The following MYT1L variants were observed in gnomAD, a reference collection of about 807,000 sequenced individuals.
The protein encoded by MYT1L is myelin transcription factor 1 like.
A neutral mutation model predicts 126.7 loss-of-function variants in MYT1L; 12 were observed. The observed-to-expected ratio is 0.09, with a 90% CI of 0.06 to 0.15. MYT1L has a LOEUF of 0.15. Among genes scored for constraint, MYT1L ranks in the 10% least tolerant of loss-of-function variants. The pLI, the probability that MYT1L is intolerant of heterozygous loss-of-function variation, is 1.00. For synonymous variants in MYT1L, 541 were observed against 604.2 expected, an observed-to-expected ratio of 0.90 and a Z score of 1.53; for missense variants, 979 against 1,585.2, an observed-to-expected ratio of 0.62 and a Z score of 6.49.
chr2:1,939,923 G>A (rs369816012), intron 9 of MYT1L, among the ~76,000 whole-genome samples: 5 of 152,272 alleles, frequency 3.3e-5, no homozygotes, highest in Non-Finnish European at 5.9e-5. Flanking sequence ...AGGCCTCTCA[G>A]GTGATTATGT....
At chr2:2,235,419 C>A (rs60250821) in intron 2 of MYT1L, among the ~76,000 whole-genome samples, 3 of 41,908 alleles carry the variant, frequency 7.2e-5, no homozygotes, top group African/African-American at 4.1e-4. Context: ...ATCTTCCTCA[C>A]AGCTTCCCCT....
chr2:2,092,373 C>A (rs2076993044), intron 3 of MYT1L, among the ~76,000 whole-genome samples: 1 of 152,168 alleles, frequency 6.6e-6, no homozygotes, highest in African/African-American at 2.4e-5. Context: ...AGTTTGCCAT[C>A]TCCAATGGGT....
At chr2:2,329,953 T>G (rs1015670423) in intron 1 of MYT1L, among the ~76,000 whole-genome samples, 4 of 152,056 alleles carry the variant, frequency 2.6e-5, no homozygotes, top group African/African-American at 9.6e-5. Context: ...AGGTGAAAAC[T>G]TATAGGAATG....
chr2:2,104,863 C>T (rs1364432009), intron 3 of MYT1L, among the ~76,000 whole-genome samples: 1 of 152,174 alleles, frequency 6.6e-6, no homozygotes, highest in Non-Finnish European at 1.5e-5. Flanking sequence ...CTCCTGTTCT[C>T]ATCCGAAGTT....
rs1559367327 is a variant in MYT1L at position 2,217,710 on chromosome 2, A to AC, written c.-420-44723_-420-44722insG. Among the ~76,000 whole-genome samples the AC allele has an allele frequency of 9.9e-5, 14 of 140,932 alleles. 1 individual carries two copies. The highest frequency in any genetic ancestry group is 6.3e-4 in the Admixed American group (9 of 14,330). 92.5% of individuals were successfully genotyped at this position (140,932 alleles called of 152,430 possible). ...CAACAACAACAACAACAACAACAAA[A>AC]AAAAAAAAAGAAAGAAGGAAAAAGA... On this transcript the variant is annotated intron_variant, in intron 2 of 24. Transcript: ENST00000647738.
chr2:1,799,756 C>A (rs1052820034), intron 23 of MYT1L, among the ~76,000 whole-genome samples: 76 of 152,312 alleles, frequency 5.0e-4, no homozygotes, highest in African/African-American at 1.8e-3. Flanking sequence ...CCACCCAAAT[C>A]TCACCTCGAA....
intron 3 of MYT1L, among the ~76,000 whole-genome samples, chr2:2,109,821 T>C (rs1339891168): frequency 7.0e-6 from 1 of 142,150 alleles, no homozygotes; most frequent in East Asian, 2.1e-4. Flanking sequence ...AAGAAAAAAC[T>C]AGCCATGTGT....
chr2:2,227,128 C>T (rs530512250), intron 2 of MYT1L, among the ~76,000 whole-genome samples: 13 of 152,234 alleles, frequency 8.5e-5, no homozygotes, highest in South Asian at 4.2e-4. Context: ...TGCGCTGTCC[C>T]GGCCTGCTTT....
At chr2:1,831,862 G>C (rs905646886) in intron 21 of MYT1L, among the ~76,000 whole-genome samples, 1 of 152,104 alleles carries the variant, frequency 6.6e-6, no homozygotes, top group Non-Finnish European at 1.5e-5. Flanking sequence ...CTGGACCCCT[G>C]AGTCCCGGGG....
rs764933563 is a variant in MYT1L at position 1,923,056 on chromosome 2, T to C, written c.713A>G (p.Asp238Gly). The change falls in exon 10 of 25, where the codon GAC becomes GGC. Residue 238 changes from aspartate (D) to glycine (G), a missense_variant. Asp to Gly is a moderately conservative substitution (Grantham distance 94). Transcript: ENST00000647738. ...NTSNSLEDDSDKNENLGRKSE... is the reference protein window; with the variant it reads ...NTSNSLEDDSGKNENLGRKSE... The stretch of plus-strand genomic sequence containing the variant: ...TTTCCGACCCAGGTTTTCGTTTTTG[T>C]CACTATCGTCTTCCAGACTATTGGA... 6.2e-7 allele frequency: 1 copy of C among 1,614,048 alleles called. No individual in the cohort carries two copies. Among genetic ancestry groups the C allele is most frequent in the Non-Finnish European group, 8.5e-7 (1 of 1,179,898 alleles).
At chr2:1,832,148 G>A (rs1037702501) in intron 21 of MYT1L, among the ~76,000 whole-genome samples, 1 of 152,106 alleles carries the variant, frequency 6.6e-6, no homozygotes, top group Non-Finnish European at 1.5e-5. Context: ...TCATGTAAAT[G>A]GGCTTGTAAG....
At chr2:2,322,745 T>C (rs1194387167) in intron 1 of MYT1L, among the ~76,000 whole-genome samples, 2 of 152,186 alleles carry the variant, frequency 1.3e-5, no homozygotes, top group African/African-American at 2.4e-5. Context: ...AAGAAAGTTA[T>C]AAACCACCAT....
chr2:2,295,898 A>G lies in MYT1L; in HGVS notation c.-520-11395T>C, dbSNP rs375038597. ...GAGGCAGAGGAATAAAAGCAGAGAA[A>G]GAGAGAGAATAATAAAGCTAGAGAG... On this transcript the variant is annotated intron_variant, in intron 1 of 24. Coordinates refer to ENST00000647738, the MANE Select transcript of MYT1L (RefSeq NM_001303052.2). Among the ~76,000 whole-genome samples the G allele has an allele frequency of 2.7e-5, 4 of 149,046 alleles. No homozygotes were observed. The East Asian group carries it at 6.3e-4, about 23-fold the overall frequency.
chr2:2,003,349 C>G (rs1242725237), intron 4 of MYT1L, among the ~76,000 whole-genome samples: 1 of 152,102 alleles, frequency 6.6e-6, no homozygotes, highest in Non-Finnish European at 1.5e-5. Context: ...CCTCAGCCTT[C>G]TCCTCCAAGT....
intron 4 of MYT1L, among the ~76,000 whole-genome samples, chr2:2,039,521 T>C (rs904063349): frequency 1.3e-5 from 2 of 152,206 alleles, no homozygotes; most frequent in African/African-American, 4.8e-5. Flanking sequence ...AAGTTTACCA[T>C]TTGCAGGAAT....
intron 8 of MYT1L, among the ~76,000 whole-genome samples, chr2:1,974,107 G>A (rs1163972248): frequency 7.9e-5 from 12 of 152,204 alleles, no homozygotes; most frequent in Non-Finnish European, 1.5e-5. Context: ...AGGCTGACTT[G>A]CACAGTTGGG....
intron 18 of MYT1L, among the ~76,000 whole-genome samples, chr2:1,859,940 C>T (rs550409292): frequency 6.6e-6 from 1 of 152,218 alleles, no homozygotes; most frequent in Non-Finnish European, 1.5e-5. Context: ...TCTCTCGCTG[C>T]GGTTTGGCTG....
At chr2:2,257,196 C>T (rs973415902) in intron 2 of MYT1L, among the ~76,000 whole-genome samples, 3 of 152,084 alleles carry the variant, frequency 2.0e-5, no homozygotes, top group Admixed American at 6.5e-5. Context: ...TCGCCATTCC[C>T]GAATTAGTAG....
intron 18 of MYT1L, among the ~76,000 whole-genome samples, chr2:1,885,685 T>A (rs1188005706): frequency 6.6e-6 from 1 of 152,206 alleles, no homozygotes; most frequent in Non-Finnish European, 1.5e-5. Context: ...CAATTTGACA[T>A]AATGATATGG....
Sources: allele counts gnomAD v4.1 joint callset (sites outside exome capture counted in the v4.1 genomes callset), GRCh38; gene constraint gnomAD v4.1.1; transcripts MANE v1.5; gene names NCBI Gene and HGNC (gene_info 2026-07-23, HGNC 2026-07-21).